The following ZMYM4 variants were observed in gnomAD, a reference collection of about 807,000 sequenced individuals.
ZMYM4 encodes the protein zinc finger MYM-type containing 4.
Under a neutral mutation model 183.2 loss-of-function variants are expected in ZMYM4, and 31 were observed. That is an observed-to-expected ratio of 0.17 (90% CI 0.13 to 0.23). The LOEUF is 0.23. Among genes scored for constraint, ZMYM4 ranks in the 10% least tolerant of loss-of-function variants. The pLI is 1.00. For missense variants in ZMYM4, 1,273 were observed against 1,840.3 expected (o/e 0.69, Z 5.64); for synonymous variants, 592 against 631.2 (o/e 0.94, Z 0.93).
chr1:35,332,648 A>G (rs762843934), intron 2 of ZMYM4, among the ~76,000 whole-genome samples: 6 of 152,102 alleles, frequency 3.9e-5, no homozygotes, highest in Non-Finnish European at 7.3e-5. Context: ...ATGGTGGCTC[A>G]GGGATCCAAG....
chr1:35,338,178 G>C (rs1390107264), intron 2 of ZMYM4, among the ~76,000 whole-genome samples: 1 of 152,188 alleles, frequency 6.6e-6, no homozygotes, highest in Admixed American at 6.5e-5. Context: ...ACCTACCCCT[G>C]CTGTAGGGTA....
At chr1:35,296,081 C>G (rs1246424873) in intron 1 of ZMYM4, 2 of 152,132 alleles carry the variant, frequency 1.3e-5, no homozygotes, top group African/African-American at 4.8e-5. Flanking sequence ...AGTCAAGGAG[C>G]CCATCTCAGT....
intron 2 of ZMYM4, among the ~76,000 whole-genome samples, chr1:35,339,723 T>C (rs920197417): frequency 5.9e-5 from 9 of 152,170 alleles, no homozygotes; most frequent in African/African-American, 2.2e-4. Context: ...AAAATCTTTA[T>C]TGATTTTGCC....
chr1:35,314,343 G>A (rs1381844578), intron 1 of ZMYM4, among the ~76,000 whole-genome samples: 1 of 151,710 alleles, frequency 6.6e-6, no homozygotes, highest in African/African-American at 2.4e-5. Context: ...GGAGTGCAGT[G>A]GCACAATCTC....
At chr1:35,318,060 T>TG (rs1192530289) in intron 1 of ZMYM4, among the ~76,000 whole-genome samples, 1 of 147,346 alleles carries the variant, frequency 6.8e-6, no homozygotes, top group African/African-American at 2.5e-5. Context: ...GGCAGTTTTT[T>TG]TTTTTTTTTT....
intron 28 of ZMYM4, among the ~76,000 whole-genome samples, chr1:35,417,538 C>CA (rs1318624797): frequency 1.3e-5 from 2 of 152,168 alleles, no homozygotes; most frequent in Non-Finnish European, 2.9e-5. Context: ...GAAATATTCT[C>CA]ATAGAGATGA....
intron 29 of ZMYM4, 70 bp from the exon 30 acceptor site, chr1:35,419,400 A>G: frequency 6.6e-7 from 1 of 1,515,824 alleles, no homozygotes; most frequent in Non-Finnish European, 9.0e-7. Context: ...ACTTAAGAAT[A>G]GTACATATTT....
At chr1:35,318,028 A>G (rs1433452667) in intron 1 of ZMYM4, among the ~76,000 whole-genome samples, 1 of 151,360 alleles carries the variant, frequency 6.6e-6, no homozygotes, top group African/African-American at 2.4e-5. Flanking sequence ...TTGGAAGCCA[A>G]TTCAAATTTA....
chr1:35,318,296 G>A (rs549908773), intron 1 of ZMYM4, among the ~76,000 whole-genome samples: 55 of 151,924 alleles, frequency 3.6e-4, no homozygotes, highest in African/African-American at 1.1e-3. Context: ...GACCTCAGGT[G>A]ATCCACCCAC....
intron 2 of ZMYM4, chr1:35,351,157 A>T (rs1166875207): frequency 3.4e-6 from 4 of 1,189,112 alleles, no homozygotes; most frequent in Middle Eastern, 2.4e-4. Flanking sequence ...TGCTATTTGG[A>T]TGCAGACCTT....
At chr1:35,417,075 T>G (rs1390956203) in intron 28 of ZMYM4, among the ~76,000 whole-genome samples, 1 of 152,036 alleles carries the variant, frequency 6.6e-6, no homozygotes, top group Non-Finnish European at 1.5e-5. Context: ...ATACCGGTTG[T>G]TAAGAGCAGA....
chr1:35,325,651 G>A (rs949009929), intron 2 of ZMYM4, among the ~76,000 whole-genome samples: 10 of 151,656 alleles, frequency 6.6e-5, no homozygotes, highest in African/African-American at 9.7e-5. Context: ...GCCATACTTC[G>A]TGTCTATATG....
chr1:35,380,317 T>A lies in ZMYM4; in HGVS notation c.1182-942T>A, dbSNP rs987010655. 1.1e-3 allele frequency among the ~76,000 whole-genome samples: 173 copies of A among 150,834 alleles called. 2 individuals are homozygous for A. The highest frequency in any genetic ancestry group is 2.3e-3 in the South Asian group (11 of 4,810). On this transcript the variant is annotated intron_variant, in intron 7 of 29. Coordinates refer to ENST00000314607, the MANE Select transcript of ZMYM4 (RefSeq NM_005095.3). ...GTTTTTATTATTTATTTATTTATTT[T>A]ATTTATTTATTTATTTATTTATTTT...
rs1489222723 is a variant in ZMYM4 at position 35,268,958 on chromosome 1, C to A, written c.-89C>A. The A allele has an allele frequency of 4.5e-6, 6 of 1,334,566 alleles. No homozygotes were observed. The South Asian group carries it at 8.1e-5, about 18-fold the overall frequency. The allele number at this position is 1,334,566 out of a possible 1,614,324, so 82.7% of individuals were successfully genotyped here. A position where few individuals can be genotyped will look rare whatever the true frequency, so the allele number is the denominator to read the frequency against. ...TCCGGGGAAGCTGCCGCGAGGCGGC[C>A]GTGCCTGCAGTGTGGGCGGGGGCCG... On this transcript the variant is annotated 5_prime_UTR_variant, in exon 1 of 30. Coordinates refer to ENST00000314607, the MANE Select transcript of ZMYM4 (RefSeq NM_005095.3).
At chr1:35,307,840 A>G (rs1301892589) in intron 1 of ZMYM4, among the ~76,000 whole-genome samples, 1 of 132,366 alleles carries the variant, frequency 7.6e-6, no homozygotes, top group Admixed American at 7.5e-5. Flanking sequence ...GGCTATTACT[A>G]TTTTTTGAGA....
intron 1 of ZMYM4, among the ~76,000 whole-genome samples, chr1:35,290,387 A>G (rs977299012): frequency 6.6e-6 from 1 of 152,196 alleles, no homozygotes; most frequent in African/African-American, 2.4e-5. Context: ...GTGTTTTTAC[A>G]TGGTTAACAT....
intron 1 of ZMYM4, among the ~76,000 whole-genome samples, chr1:35,315,796 T>G (rs1642018401): frequency 6.6e-6 from 1 of 151,964 alleles, no homozygotes; most frequent in Non-Finnish European, 1.5e-5. Context: ...ATTCACTGGA[T>G]GTACCTGTAG....
chr1:35,317,303 G>A (rs568357617), intron 1 of ZMYM4, among the ~76,000 whole-genome samples: 1 of 151,604 alleles, frequency 6.6e-6, no homozygotes, highest in Non-Finnish European at 1.5e-5. Context: ...GTGTGAAGGC[G>A]GCACCTGTAA....
intron 1 of ZMYM4, among the ~76,000 whole-genome samples, chr1:35,287,806 A>G (rs987135018): frequency 6.6e-6 from 1 of 152,070 alleles, no homozygotes; most frequent in Non-Finnish European, 1.5e-5. Flanking sequence ...GGGTTTCACC[A>G]TGTTGGTCAG....
Sources: gnomAD v4.1 joint callset for allele counts (sites outside exome capture counted in the v4.1 genomes callset) on GRCh38, gnomAD v4.1.1 for gene constraint, MANE v1.5 for transcripts, NCBI Gene and HGNC (gene_info 2026-07-23, HGNC 2026-07-21) for gene names.